The following SLIT1 variants were observed in gnomAD, a reference collection of about 807,000 sequenced individuals.
SLIT1 encodes slit homolog 1 protein.
Under a neutral mutation model 186.1 loss-of-function variants are expected in SLIT1, and 66 were observed. The ratio of observed to expected loss-of-function variants is 0.35; its 90% CI spans 0.29 to 0.44. The LOEUF is 0.44. Ranked by LOEUF, SLIT1 falls within the 20% of genes least tolerant of loss-of-function variation. SLIT1 has a pLI of 1.00. For synonymous variants in SLIT1, 761 were observed against 833.8 expected, an observed-to-expected ratio of 0.91 and a Z score of 1.50; for missense variants, 1,638 against 2,037.4, an observed-to-expected ratio of 0.80 and a Z score of 3.77.
At chr10:97,036,151 C>A (rs372366637) in intron 22 of SLIT1, among the ~76,000 whole-genome samples, 2 of 152,168 alleles carry the variant, frequency 1.3e-5, no homozygotes, top group Non-Finnish European at 2.9e-5. Flanking sequence ...ATGTGCCGTG[C>A]CTTCATCTTC....
chr10:97,149,419 G>A (rs944725790), intron 4 of SLIT1, among the ~76,000 whole-genome samples: 2 of 152,170 alleles, frequency 1.3e-5, no homozygotes, highest in African/African-American at 4.8e-5. Context: ...TGAAGCGTCT[G>A]CGCTTGGGGC....
chr10:97,142,866 T>C (rs1202706644), intron 4 of SLIT1, among the ~76,000 whole-genome samples: 1 of 152,164 alleles, frequency 6.6e-6, no homozygotes, highest in African/African-American at 2.4e-5. Context: ...TAACTAATCA[T>C]GTTGTGCTCA....
chr10:97,091,351 C>T (rs1364371373), intron 4 of SLIT1, among the ~76,000 whole-genome samples: 1 of 152,222 alleles, frequency 6.6e-6, no homozygotes, highest in Non-Finnish European at 1.5e-5. Context: ...CTATCCACTA[C>T]TGATTAGGGT....
intron 4 of SLIT1, among the ~76,000 whole-genome samples, chr10:97,129,717 C>G (rs1253522240): frequency 1.3e-5 from 2 of 152,200 alleles, no homozygotes; most frequent in African/African-American, 4.8e-5. Flanking sequence ...CTCCACAGCC[C>G]CAGCTCTGCT....
At chr10:97,120,884 A>G (rs1438253438) in intron 4 of SLIT1, among the ~76,000 whole-genome samples, 1 of 152,146 alleles carries the variant, frequency 6.6e-6, no homozygotes, top group African/African-American at 2.4e-5. Context: ...GATCCAAATA[A>G]AATGCTTACA....
intron 4 of SLIT1, among the ~76,000 whole-genome samples, chr10:97,111,215 A>C (rs565617036): frequency 9.5e-4 from 144 of 152,152 alleles, no homozygotes; most frequent in African/African-American, 3.4e-3. Context: ...AAAAGAAAAG[A>C]AAGAGGGCTG....
rs1848511134 is a variant in SLIT1 at position 97,022,566 on chromosome 10, T to C, written c.2583-1153A>G. 1.3e-5 allele frequency among the ~76,000 whole-genome samples: 2 copies of C among 152,222 alleles called. No homozygotes were observed. Among genetic ancestry groups the C allele is most frequent in the Admixed American group, 6.5e-5 (1 of 15,284 alleles). Reference sequence around the variant, plus strand: ...TGTGTGACACTTATCATATGACTTATGCAATTGCCTTCTGATCCAGCCATT... The same window carrying C: ...TGTGTGACACTTATCATATGACTTACGCAATTGCCTTCTGATCCAGCCATT... On this transcript the variant is annotated intron_variant, in intron 25 of 36. Transcript: ENST00000266058. The surrounding 1 kb of genome is among the most constrained non-coding windows in gnomAD (Gnocchi z 4.2).
intron 1 of SLIT1, among the ~76,000 whole-genome samples, chr10:97,168,346 C>T (rs184823531): frequency 3.5e-4 from 53 of 152,216 alleles, no homozygotes; most frequent in African/African-American, 1.3e-3. Flanking sequence ...TACATAATCC[C>T]ATCACTAAGA....
intron 4 of SLIT1, among the ~76,000 whole-genome samples, chr10:97,128,601 C>A (rs1021134324): frequency 2.0e-5 from 3 of 152,166 alleles, no homozygotes; most frequent in African/African-American, 4.8e-5. Context: ...GTGCAGGATC[C>A]ACAGAAAGTA....
rs186454507 is a variant in SLIT1 at position 97,059,509 on chromosome 10, C to T, written c.1036G>A (p.Ala346Thr). The T allele has an allele frequency of 1.7e-5, 27 of 1,613,756 alleles. No individual in the cohort carries two copies. In the African/African-American group the frequency reaches 1.9e-4, roughly 11 times the overall value. Residue 346 changes from alanine (A) to threonine (T), a missense_variant, in exon 11 of 37, where the codon GCT becomes ACT. Transcript: ENST00000266058. Reference protein sequence around the residue: ...RRIDLSNNQIAEIAPDAFQGL... With the variant: ...RRIDLSNNQITEIAPDAFQGL... ...TGGAAGGCGTCGGGTGCAATCTCAG[C>T]GATCTGATTGTTGCTCAGGTCTCTG...
rs1849739432 is a variant in SLIT1 at position 97,139,755 on chromosome 10, T to C, written c.413+18063A>G. Among the ~76,000 whole-genome samples the C allele has an allele frequency of 2.0e-5, 3 of 152,164 alleles. No homozygotes were observed. In the South Asian group the frequency reaches 6.2e-4, roughly 31 times the overall value. On this transcript the variant is annotated intron_variant, in intron 4 of 36. Coordinates refer to ENST00000266058, the MANE Select transcript of SLIT1 (RefSeq NM_003061.3). ...GCAGAGTTCCGGGGGCCTGGATGAA[T>C]AGGAAAACCCTATCTTTGGGTCCCC...
chr10:97,127,977 G>A (rs1849619084), intron 4 of SLIT1, among the ~76,000 whole-genome samples: 2 of 152,124 alleles, frequency 1.3e-5, no homozygotes, highest in East Asian at 3.9e-4. Context: ...TTGACAAGCA[G>A]CCACTCAGAA....
chr10:97,062,054 C>T (rs1250881400), intron 8 of SLIT1, among the ~76,000 whole-genome samples: 1 of 152,216 alleles, frequency 6.6e-6, no homozygotes, highest in African/African-American at 2.4e-5. Context: ...CCACGGTCTT[C>T]CAAATGCAAA....
intron 4 of SLIT1, among the ~76,000 whole-genome samples, chr10:97,148,183 G>A (rs1259170608): frequency 6.6e-6 from 1 of 152,028 alleles, no homozygotes; most frequent in Non-Finnish European, 1.5e-5. Context: ...CATTGCATAG[G>A]ACCATGACAA....
At chr10:97,111,749 C>T (rs752950724) in intron 4 of SLIT1, among the ~76,000 whole-genome samples, 4 of 152,198 alleles carry the variant, frequency 2.6e-5, no homozygotes, top group Non-Finnish European at 4.4e-5. Context: ...CACCTGGGAG[C>T]GTTCACTCGT....
rs1249994864 is a variant in SLIT1, at chr10:97,043,648, G to A, written c.1854-135C>T. 7.0e-6 allele frequency: 6 copies of A among 863,194 alleles called. No homozygotes were observed. Among genetic ancestry groups the A allele is most frequent in the South Asian group, 3.3e-5 (2 of 60,462 alleles). 53.5% of individuals were successfully genotyped at this position (863,194 alleles called of 1,614,324 possible). ...CTGCGAGCCGCAGAGCCAGGAACAC[G>A]CACCAGCCAGGCCCCGGCCAGGTGA... On this transcript the variant is annotated intron_variant, in intron 18 of 36. Coordinates refer to ENST00000266058, the MANE Select transcript of SLIT1 (RefSeq NM_003061.3). This position sits in a 1 kb window ranked among gnomAD's most constrained non-coding sequence, Gnocchi z 7.0.
chr10:97,117,177 A>G (rs964052108), intron 4 of SLIT1, among the ~76,000 whole-genome samples: 5 of 152,212 alleles, frequency 3.3e-5, no homozygotes, highest in African/African-American at 4.8e-5. Flanking sequence ...AACACTTGAC[A>G]TGAAGAGAAG....
At chr10:97,035,016 C>T (rs2134613784) in intron 22 of SLIT1, among the ~76,000 whole-genome samples, 1 of 152,294 alleles carries the variant, frequency 6.6e-6, no homozygotes, top group African/African-American at 2.4e-5. Flanking sequence ...GAAGGGTCAC[C>T]AGCTGGTCGG....
chr10:97,063,360 GCA>G (rs1848911243), intron 8 of SLIT1, 93 bp downstream of exon 8: 1 of 1,391,330 alleles, frequency 7.2e-7, no homozygotes, highest in Admixed American at 1.7e-5. Flanking sequence ...GAGGTGATGG[GCA>G]GGCCAGGTAT....
Sources: allele counts gnomAD v4.1 joint callset (sites outside exome capture counted in the v4.1 genomes callset), GRCh38; gene constraint gnomAD v4.1.1; non-coding constraint Gnocchi (gnomAD v3.1); transcripts MANE v1.5; gene names NCBI Gene and HGNC (gene_info 2026-07-23, HGNC 2026-07-21).